The following TM2D1 variants were observed in gnomAD, a reference collection of about 807,000 sequenced individuals.
TM2D1 encodes the protein TM2 domain containing 1, also known as TM2 domain-containing protein 1.
Under a neutral mutation model 28.4 loss-of-function variants are expected in TM2D1, and 15 were observed. That is an observed-to-expected ratio of 0.53 (90% confidence interval 0.35 to 0.81). The LOEUF (loss-of-function observed/expected upper bound fraction) is 0.81. TM2D1 is among the 40% of genes least tolerant of loss of function. The pLI, the probability that TM2D1 is intolerant of heterozygous loss-of-function variation, is 0.01. For synonymous variants in TM2D1, 93 were observed against 96.2 expected (o/e 0.97, Z 0.20); for missense variants, 236 against 254.9 (o/e 0.93, Z 0.50).
At chr1:61,709,280 A>G in intron 3 of TM2D1, 49 bp downstream of exon 3, 3 of 1,151,942 alleles carry the variant, frequency 2.6e-6, no homozygotes, top group Middle Eastern at 2.0e-4. Context: ...CAATGAAGAT[A>G]TAATATAGGC....
intron 2 of TM2D1, among the ~76,000 whole-genome samples, chr1:61,717,129 A>G (rs1259154471): frequency 1.3e-5 from 2 of 152,182 alleles, no homozygotes. Flanking sequence ...CCAGCGGATC[A>G]TGAGGTCAGG....
intron 2 of TM2D1, among the ~76,000 whole-genome samples, chr1:61,713,815 C>T (rs1176356856): frequency 1.3e-5 from 2 of 151,936 alleles, no homozygotes; most frequent in African/African-American, 2.4e-5. Context: ...ATATACCTTG[C>T]CTAACAGAAA....
intron 2 of TM2D1, among the ~76,000 whole-genome samples, chr1:61,710,493 T>C (rs7415761): frequency 5.2e-4 from 27 of 51,632 alleles, no homozygotes; most frequent in East Asian, 3.5e-3. Context: ...CACACACACA[T>C]ATACACACAT....
chr1:61,696,022 C>A (rs989492953), intron 4 of TM2D1: 1 of 152,108 alleles, frequency 6.6e-6, no homozygotes. Flanking sequence ...TAAATATTCT[C>A]GTATTTCTGC....
chr1:61,709,800 T>C lies in TM2D1; in HGVS notation c.239-363A>G, dbSNP rs1287558717. Among the ~76,000 whole-genome samples, 3 of 152,216 alleles carry C rather than the reference T, an allele frequency of 2.0e-5. No homozygotes were observed. In the East Asian group the frequency reaches 5.8e-4, roughly 29 times the overall value. On this transcript the variant is annotated intron_variant, in intron 2 of 6. Transcript: ENST00000606498. ...ACCTCTCAAATTTTTGTTGGTAATA[T>C]GTTGGGCAATTTATCTATTAAATTA...
intron 4 of TM2D1, chr1:61,700,266 T>C (rs749976042): frequency 1.7e-5 from 25 of 1,498,426 alleles, no homozygotes; most frequent in Non-Finnish European, 2.1e-5. Flanking sequence ...CTGGTGACAG[T>C]TTCCTTACCT....
chr1:61,709,005 A>G (rs1355906542), intron 3 of TM2D1, among the ~76,000 whole-genome samples: 2 of 152,082 alleles, frequency 1.3e-5, no homozygotes, highest in Admixed American at 1.3e-4. Flanking sequence ...ATCTCTACAA[A>G]ATAATTAAAA....
chr1:61,692,877 TCA>T (rs35122502), intron 5 of TM2D1, among the ~76,000 whole-genome samples: 45,268 of 151,922 alleles, frequency 0.3, 7,397 homozygotes, highest in African/African-American at 0.43. Context: ...CTGCAGATGT[TCA>T]CACACTCTAA....
chr1:61,683,934 A>G (rs141297370), intron 5 of TM2D1: 2,081 of 159,386 alleles, frequency 0.013, 15 homozygotes, highest in Admixed American at 0.029. Flanking sequence ...TTCTTCCCCA[A>G]TGTTTATATA....
chr1:61,689,319 G>A (rs1181745155), intron 5 of TM2D1, among the ~76,000 whole-genome samples: 1 of 152,016 alleles, frequency 6.6e-6, no homozygotes, highest in Admixed American at 6.6e-5. Context: ...TAAAAATTAA[G>A]AAAAGTGTTT....
rs756903857 is a variant in TM2D1 at position 61,694,716 on chromosome 1, A to G, written c.494T>C (p.Phe165Ser). The G allele has an allele frequency of 6.2e-7, 1 of 1,605,688 alleles. No homozygotes were observed. Among genetic ancestry groups the G allele is most frequent in the Non-Finnish European group, 8.5e-7 (1 of 1,176,054 alleles). Residue 165 changes from phenylalanine (F) to serine (S), a missense_variant, in exon 5 of 7, where the codon TTC becomes TCC. Physicochemically the swap from Phe to Ser is radical, Grantham distance 155. Coordinates refer to ENST00000606498, the MANE Select transcript of TM2D1 (RefSeq NM_032027.3). ...ACTTACCTGCATTGAAATAAGAATG[A>G]AATCAATTAGGCTCCCAATTCCACA... Reference protein sequence around the residue: ...GFCGIGSLIDFILISMQIVGP... With the variant: ...GFCGIGSLIDSILISMQIVGP...
chr1:61,711,759 T>C (rs1644480984), intron 2 of TM2D1, among the ~76,000 whole-genome samples: 3 of 152,232 alleles, frequency 2.0e-5, no homozygotes, highest in African/African-American at 7.2e-5. Context: ...ATCCTTTAGA[T>C]TATATCTCTT....
rs200877661 is a variant in TM2D1 at position 61,725,045 on chromosome 1, C to G, written c.76G>C (p.Val26Leu). The change falls in exon 1 of 7, where the codon GTC becomes CTC. Residue 26 changes from valine to leucine, a missense_variant. By Grantham distance (32) the Val-to-Leu change is conservative. Transcript: ENST00000606498. ...CCCCAGGGTCCTGTAGTGACTGAGA[C>G]GAACCACAGGACACCAACGAGTCTG... Reference protein sequence around the residue: ...TARLVGVLWFVSVTTGPWGAV... With the variant: ...TARLVGVLWFLSVTTGPWGAV... 204 of 1,613,864 alleles carry G rather than the reference C, an allele frequency of 1.3e-4. No homozygotes were observed. The highest frequency in any genetic ancestry group is 1.2e-4 in the Non-Finnish European group (136 of 1,179,894).
chr1:61,685,274 T>C (rs1183770818), intron 5 of TM2D1, among the ~76,000 whole-genome samples: 2 of 152,258 alleles, frequency 1.3e-5, no homozygotes, highest in Non-Finnish European at 2.9e-5. Flanking sequence ...ACGATATTTA[T>C]ATTCTGTTGG....
At chr1:61,701,985 T>G (rs1644405464) in intron 3 of TM2D1, among the ~76,000 whole-genome samples, 2 of 151,682 alleles carry the variant, frequency 1.3e-5, no homozygotes, top group East Asian at 3.9e-4. Context: ...AGGTCAGGAG[T>G]TCGAGAACAG....
At chr1:61,717,768 C>T (rs996992181) in intron 2 of TM2D1, among the ~76,000 whole-genome samples, 5 of 151,668 alleles carry the variant, frequency 3.3e-5, no homozygotes, top group Non-Finnish European at 7.4e-5. Context: ...TTTTCAAATA[C>T]ACAAATGTTA....
chr1:61,703,272 A>G (rs1349721716), intron 3 of TM2D1, among the ~76,000 whole-genome samples: 1 of 147,026 alleles, frequency 6.8e-6, no homozygotes, highest in African/African-American at 2.5e-5. Flanking sequence ...ATTATATTTT[A>G]TATATTATAT....
chr1:61,690,549 C>T (rs1644316846), intron 5 of TM2D1, among the ~76,000 whole-genome samples: 1 of 142,918 alleles, frequency 7.0e-6, no homozygotes, highest in African/African-American at 2.6e-5. Flanking sequence ...TGGACTAAAA[C>T]AGGTCCTACA....
intron 2 of TM2D1, among the ~76,000 whole-genome samples, chr1:61,722,742 C>T (rs1644577678): frequency 6.6e-6 from 1 of 152,152 alleles, no homozygotes; most frequent in Non-Finnish European, 1.5e-5. Context: ...CTGTTTTACA[C>T]TTTGAAGTTG....
Sources: gnomAD v4.1 joint callset for allele counts (sites outside exome capture counted in the v4.1 genomes callset) on GRCh38, gnomAD v4.1.1 for gene constraint, MANE v1.5 for transcripts, NCBI Gene and HGNC (gene_info 2026-07-23, HGNC 2026-07-21) for gene names.